Variants in DOCK4 observed in about 807,000 individuals in gnomAD.
The protein encoded by DOCK4 is dedicator of cytokinesis protein 4.
A neutral mutation model predicts 268.1 loss-of-function variants in DOCK4; 97 were observed. The ratio of observed to expected loss-of-function variants is 0.36; its 90% CI spans 0.31 to 0.43. The LOEUF is 0.43. DOCK4 is among the 20% of genes least tolerant of loss of function. The pLI is 1.00. For missense variants in DOCK4, 2,145 were observed against 2,455.7 expected (o/e 0.87, Z 2.67); for synonymous variants, 954 against 887.2 (o/e 1.08, Z -1.34).
chr7:111,785,232 G>A (rs1448342656), intron 32 of DOCK4, among the ~76,000 whole-genome samples: 3 of 152,106 alleles, frequency 2.0e-5, no homozygotes, highest in Admixed American at 2.0e-4. Context: ...GCAAGCGAAG[G>A]TCCCCTAGTT....
chr7:111,764,025 T>C (rs761453146), intron 39 of DOCK4, among the ~76,000 whole-genome samples: 2 of 152,132 alleles, frequency 1.3e-5, no homozygotes, highest in African/African-American at 2.4e-5. Context: ...TTTCCTCCAG[T>C]TTTAGGCAGG....
At chr7:111,742,538 T>C (rs1399744450) in intron 44 of DOCK4, among the ~76,000 whole-genome samples, 1 of 102,798 alleles carries the variant, frequency 9.7e-6, no homozygotes, top group Non-Finnish European at 2.0e-5. Flanking sequence ...AAAGATCTCT[T>C]CTTTGCATGG....
At position 111,895,606 on chromosome 7, in the gene DOCK4, T is replaced by C. The variant is rs778606064; in HGVS notation, c.1587+6A>G. The C allele has an allele frequency of 2.5e-6, 4 of 1,613,216 alleles. No individual in the cohort carries two copies. The Admixed American group carries it at 6.7e-5, about 27-fold the overall frequency. On this transcript the variant is annotated splice_donor_region_variant and intron_variant, in intron 16 of 52. Coordinates refer to ENST00000428084, the MANE Select transcript of DOCK4 (RefSeq NM_001363540.2). ...CTGCCCATCGCCACCATCTGACTGA[T>C]GTTACCTTATGCACGATGAGCTCAT...
intron 8 of DOCK4, among the ~76,000 whole-genome samples, chr7:111,972,307 G>A (rs1037316266): frequency 1.3e-5 from 2 of 151,802 alleles, no homozygotes; most frequent in Admixed American, 1.3e-4. Flanking sequence ...GCCAGAGCAC[G>A]GGGTCTGCAG....
chr7:112,047,910 A>G (rs1034259180), intron 1 of DOCK4, among the ~76,000 whole-genome samples: 3 of 152,086 alleles, frequency 2.0e-5, no homozygotes, highest in African/African-American at 4.8e-5. Flanking sequence ...AGGCTCATCT[A>G]TAACGCCTGG....
intron 1 of DOCK4, among the ~76,000 whole-genome samples, chr7:112,190,675 C>CAA (rs562780962): frequency 1.2e-4 from 16 of 138,052 alleles, no homozygotes; most frequent in South Asian, 6.9e-4. Flanking sequence ...ACTGCAAAAA[C>CAA]AAAAAAAAAA....
At chr7:112,166,750 T>C (rs571551338) in intron 1 of DOCK4, among the ~76,000 whole-genome samples, 35 of 152,274 alleles carry the variant, frequency 2.3e-4, no homozygotes, top group Non-Finnish European at 4.3e-4. Flanking sequence ...ACTGAAAAAC[T>C]GTTAAATGTT....
Position 112,017,431 on chromosome 7 carries a change from C to G in DOCK4, c.38-13300G>C, listed in dbSNP as rs115787465. On this transcript the variant is annotated intron_variant, in intron 1 of 52. Coordinates refer to ENST00000428084, the MANE Select transcript of DOCK4 (RefSeq NM_001363540.2). ...ATAATAATTACACATGTAATGAAAA[C>G]TGGGTGATGGGAGGGATTTATACAT... Among the ~76,000 whole-genome samples, 949 of 152,252 alleles carry G rather than the reference C, an allele frequency of 6.2e-3. 6 individuals are homozygous for G. The highest frequency in any genetic ancestry group is 0.022 in the African/African-American group (914 of 41,556).
At chr7:111,805,390 C>A (rs957722472) in intron 30 of DOCK4, among the ~76,000 whole-genome samples, 1 of 152,158 alleles carries the variant, frequency 6.6e-6, no homozygotes, top group South Asian at 2.1e-4. Context: ...GTTAAACTTT[C>A]TTAATGTAAA....
intron 1 of DOCK4, among the ~76,000 whole-genome samples, chr7:112,104,220 C>T (rs886751155): frequency 2.6e-5 from 4 of 152,200 alleles, no homozygotes; most frequent in Non-Finnish European, 4.4e-5. Flanking sequence ...TAGGTTAATG[C>T]ATTCTCAATC....
chr7:111,816,369 C>CA (rs369817325), intron 27 of DOCK4, among the ~76,000 whole-genome samples: 2 of 152,094 alleles, frequency 1.3e-5, no homozygotes, highest in Admixed American at 6.5e-5. Flanking sequence ...ATTGGGGCAG[C>CA]AAAAAATCAA....
intron 1 of DOCK4, among the ~76,000 whole-genome samples, chr7:112,107,036 G>T (rs958041106): frequency 6.6e-6 from 1 of 152,300 alleles, no homozygotes. Flanking sequence ...AATTTTTGAA[G>T]TGTTGATTTA....
At chr7:112,021,780 C>T (rs762118929) in intron 1 of DOCK4, among the ~76,000 whole-genome samples, 66 of 152,222 alleles carry the variant, frequency 4.3e-4, no homozygotes, top group Non-Finnish European at 8.2e-4. Flanking sequence ...TCAAACACAA[C>T]TATACACAAA....
chr7:112,082,818 T>C (rs949397079), intron 1 of DOCK4, among the ~76,000 whole-genome samples: 2 of 152,304 alleles, frequency 1.3e-5, no homozygotes, highest in African/African-American at 2.4e-5. Context: ...GTGCTATTCA[T>C]GTATCTGAAA....
intron 49 of DOCK4, among the ~76,000 whole-genome samples, chr7:111,737,860 G>A (rs1795611473): frequency 6.6e-6 from 1 of 152,106 alleles, no homozygotes; most frequent in South Asian, 2.1e-4. Context: ...AGTGACAAAG[G>A]GAAATAGCTA....
chr7:111,984,854 T>A (rs770515440), intron 6 of DOCK4, among the ~76,000 whole-genome samples: 1 of 152,238 alleles, frequency 6.6e-6, no homozygotes, highest in Non-Finnish European at 1.5e-5. Context: ...ATGTTTCTTA[T>A]ATGAATCTCT....
At chr7:111,977,753 A>G (rs1457854493) in intron 7 of DOCK4, among the ~76,000 whole-genome samples, 1 of 152,210 alleles carries the variant, frequency 6.6e-6, no homozygotes, top group Non-Finnish European at 1.5e-5. Context: ...CTCATTACTC[A>G]TAATTAAAAG....
At chr7:112,030,592 A>G (rs1463142001) in intron 1 of DOCK4, among the ~76,000 whole-genome samples, 1 of 152,118 alleles carries the variant, frequency 6.6e-6, no homozygotes, top group Non-Finnish European at 1.5e-5. Context: ...CATTTGGGCA[A>G]TGAGAAAAGT....
intron 8 of DOCK4, 146 bp downstream of exon 8, chr7:111,976,986 G>T: frequency 1.1e-6 from 1 of 892,408 alleles, no homozygotes; most frequent in Non-Finnish European, 1.6e-6. Context: ...AGAACAGGCA[G>T]CTTAGAAACT....
Sources: allele counts gnomAD v4.1 joint callset (sites outside exome capture counted in the v4.1 genomes callset), GRCh38; gene constraint gnomAD v4.1.1; transcripts MANE v1.5; gene names NCBI Gene and HGNC (gene_info 2026-07-23, HGNC 2026-07-21).